KCNAB1: variants seen among roughly 807,000 people sequenced by gnomAD.
The protein encoded by KCNAB1 is potassium voltage-gated channel subfamily A regulatory beta subunit 1, also known as voltage-gated potassium channel subunit beta-1.
KCNAB1 carries 35 observed loss-of-function variants against 64.6 expected under a neutral mutation model. The observed-to-expected ratio is 0.54, with a 90% confidence interval of 0.41 to 0.72. The LOEUF is 0.72. Among genes scored for constraint, KCNAB1 ranks in the 30% least tolerant of loss-of-function variants. The probability of loss-of-function intolerance (pLI) is 0.00; values close to 1 mark genes in which losing one functional copy is unlikely to be tolerated. For synonymous variants in KCNAB1, 177 were observed against 183.8 expected, an observed-to-expected ratio of 0.96 and a Z score of 0.30; for missense variants, 401 against 512.9, an observed-to-expected ratio of 0.78 and a Z score of 2.11.
chr3:156,509,375 GTGCTGCTGCTGC>G (rs67594426), intron 8 of KCNAB1, among the ~76,000 whole-genome samples: 9 of 150,942 alleles, frequency 6.0e-5, no homozygotes, highest in East Asian at 1.9e-4. Flanking sequence ...AAGTTTCCAG[GTGCTGCTGCTGC>G]TGCTGCTGCT....
chr3:156,326,860 G>A (rs1035722932), intron 1 of KCNAB1, among the ~76,000 whole-genome samples: 2 of 152,016 alleles, frequency 1.3e-5, no homozygotes, highest in East Asian at 1.9e-4. Flanking sequence ...TCTTTATAGC[G>A]TTGACCACTA....
At chr3:156,123,430 T>C (rs1287726663) in intron 1 of KCNAB1, among the ~76,000 whole-genome samples, 1 of 152,226 alleles carries the variant, frequency 6.6e-6, no homozygotes, top group Non-Finnish European at 1.5e-5. Flanking sequence ...CCATATTCTA[T>C]GGTAATTTAT....
At chr3:156,354,548 C>T (rs191368860) in intron 1 of KCNAB1, among the ~76,000 whole-genome samples, 61 of 151,966 alleles carry the variant, frequency 4.0e-4, no homozygotes, top group African/African-American at 1.3e-3. Context: ...CTTTAAGATG[C>T]CATAAGGAAG....
In KCNAB1 at chr3:156,354,073, G is replaced by A. The variant is rs561075061; in HGVS notation, c.276-67543G>A. 2.9e-4 allele frequency among the ~76,000 whole-genome samples: 39 copies of A among 135,596 alleles called. 1 individual carries two copies. Among genetic ancestry groups the A allele is most frequent in the Middle Eastern group, 8.3e-3 (2 of 242 alleles). 89.0% of individuals were successfully genotyped at this position (135,596 alleles called of 152,430 possible). On this transcript the variant is annotated intron_variant, in intron 1 of 13. Transcript: ENST00000490337. ...TGTGTGTGTGTGTGTGTGTGTGTGTGTATATATGTGTGTATATATATAATA... is the reference window on the plus strand; with the variant it reads ...TGTGTGTGTGTGTGTGTGTGTGTGTATATATATGTGTGTATATATATAATA...
chr3:156,232,332 A>T (rs1716580657), intron 1 of KCNAB1, among the ~76,000 whole-genome samples: 1 of 152,256 alleles, frequency 6.6e-6, no homozygotes, highest in Non-Finnish European at 1.5e-5. Flanking sequence ...ATTCTGATAA[A>T]TATTAATTTG....
At chr3:156,312,476 C>T (rs530751730) in intron 1 of KCNAB1, among the ~76,000 whole-genome samples, 2 of 152,238 alleles carry the variant, frequency 1.3e-5, no homozygotes, top group East Asian at 3.9e-4. Context: ...CTTCGGGAGG[C>T]CGAGGCGGGT....
In KCNAB1 at chr3:156,500,839, G is replaced by T. The variant is rs1469584839; in HGVS notation, c.659-13525G>T. On this transcript the variant is annotated intron_variant, in intron 8 of 13. Coordinates refer to ENST00000490337, the MANE Select transcript of KCNAB1 (RefSeq NM_172160.3). ...TGTGGAAGTATCATCATCAATGGCA[G>T]TGATGAGTAACTGGTAACACCTGCT... Among the ~76,000 whole-genome samples the T allele has an allele frequency of 3.9e-5, 6 of 152,182 alleles. No homozygotes were observed. The East Asian group carries it at 1.2e-3, about 29-fold the overall frequency.
At chr3:156,502,412 A>G (rs746171492) in intron 8 of KCNAB1, among the ~76,000 whole-genome samples, 9 of 152,118 alleles carry the variant, frequency 5.9e-5, no homozygotes, top group Non-Finnish European at 8.8e-5. Flanking sequence ...GATATTTGAC[A>G]AAAGTACTCT....
chr3:156,535,291 G>A (rs1718977116), intron 13 of KCNAB1, among the ~76,000 whole-genome samples: 1 of 152,230 alleles, frequency 6.6e-6, no homozygotes. Context: ...GAATGAGGTT[G>A]AAACCTCAGA....
intron 1 of KCNAB1, among the ~76,000 whole-genome samples, chr3:156,166,868 G>A (rs4533601): frequency 0.6 from 90,894 of 152,022 alleles, 27,949 homozygotes; most frequent in East Asian, 0.93. Flanking sequence ...TTCATGTAAC[G>A]TTCTGCGAAG....
intron 1 of KCNAB1, among the ~76,000 whole-genome samples, chr3:156,197,428 A>G (rs549575967): frequency 1.2e-4 from 19 of 152,208 alleles, no homozygotes; most frequent in African/African-American, 4.3e-4. Context: ...CTGTGAATCC[A>G]TCTGGTCCTG....
intron 1 of KCNAB1, among the ~76,000 whole-genome samples, chr3:156,256,384 G>GGAT (rs1273204975): frequency 6.6e-6 from 1 of 152,208 alleles, no homozygotes; most frequent in African/African-American, 2.4e-5. Context: ...AACGCCTGAA[G>GGAT]GATGATGTGG....
intron 1 of KCNAB1, among the ~76,000 whole-genome samples, chr3:156,284,341 C>T (rs1011169886): frequency 1.3e-4 from 20 of 152,318 alleles, no homozygotes; most frequent in Middle Eastern, 3.4e-3. Flanking sequence ...TCTCCAGCTG[C>T]GTGCTCGGAG....
intron 1 of KCNAB1, among the ~76,000 whole-genome samples, chr3:156,384,119 G>A (rs893120663): frequency 6.6e-6 from 1 of 152,168 alleles, no homozygotes; most frequent in Non-Finnish European, 1.5e-5. Flanking sequence ...TATAAAATTA[G>A]GCACTTTTTA....
chr3:156,155,423 T>A (rs1715658871), intron 1 of KCNAB1, among the ~76,000 whole-genome samples: 1 of 152,210 alleles, frequency 6.6e-6, no homozygotes, highest in Non-Finnish European at 1.5e-5. Flanking sequence ...GCATAAATTC[T>A]CTGGAGAAAC....
At chr3:156,222,584 A>G (rs189388222) in intron 1 of KCNAB1, among the ~76,000 whole-genome samples, 1 of 152,348 alleles carries the variant, frequency 6.6e-6, no homozygotes, top group East Asian at 1.9e-4. Flanking sequence ...TTGACTCAAC[A>G]GATATATTTA....
chr3:156,484,689 T>C (rs2108339030), intron 8 of KCNAB1, among the ~76,000 whole-genome samples: 1 of 152,222 alleles, frequency 6.6e-6, no homozygotes, highest in East Asian at 1.9e-4. Context: ...GGCATGCTGA[T>C]TGAATGCAGT....
chr3:156,468,520 G>A (rs1432712122), intron 7 of KCNAB1, among the ~76,000 whole-genome samples: 1 of 152,042 alleles, frequency 6.6e-6, no homozygotes, highest in Non-Finnish European at 1.5e-5. Flanking sequence ...TGTGATTTAT[G>A]AGCTGGTGAC....
At chr3:156,190,155 G>T (rs1010421678) in intron 1 of KCNAB1, among the ~76,000 whole-genome samples, 4 of 152,168 alleles carry the variant, frequency 2.6e-5, no homozygotes. Flanking sequence ...CATCGCTTTT[G>T]TGGTTTTCCC....
Sources: allele counts gnomAD v4.1 joint callset (sites outside exome capture counted in the v4.1 genomes callset), GRCh38; gene constraint gnomAD v4.1.1; transcripts MANE v1.5; gene names NCBI Gene and HGNC (gene_info 2026-07-23, HGNC 2026-07-21).